The following GART variants were observed in gnomAD, a reference collection of about 807,000 sequenced individuals.
The protein encoded by GART is trifunctional purine biosynthetic protein adenosine-3.
GART carries 43 observed loss-of-function variants against 107.2 expected under a neutral mutation model. The observed-to-expected ratio is 0.40, with a 90% confidence interval of 0.31 to 0.52. The LOEUF is 0.52. GART is among the 20% of genes least tolerant of loss of function. GART has a pLI of 0.52. For missense variants in GART, 1,107 were observed against 1,206.5 expected, an observed-to-expected ratio of 0.92 and a Z score of 1.22; for synonymous variants, 434 against 427.0, an observed-to-expected ratio of 1.02 and a Z score of -0.20.
chr21:33,536,907 A>G (rs191390610), intron 2 of GART, among the ~76,000 whole-genome samples: 1 of 152,350 alleles, frequency 6.6e-6, no homozygotes, highest in African/African-American at 2.4e-5. Flanking sequence ...TTTGGACTAC[A>G]GCTGACTGTG....
chr21:33,508,740 C>A (rs1310254212), intron 18 of GART, among the ~76,000 whole-genome samples: 2 of 152,144 alleles, frequency 1.3e-5, no homozygotes, highest in Non-Finnish European at 2.9e-5. Flanking sequence ...TGGTCTCGAT[C>A]TCTTGACCTT....
chr21:33,533,933 GAACCAAA>G (rs1354068543), intron 4 of GART, among the ~76,000 whole-genome samples: 1 of 151,536 alleles, frequency 6.6e-6, no homozygotes, highest in Admixed American at 6.6e-5. Flanking sequence ...GGGGGGCGGG[GAACCAAA>G]AACCAAAAAC....
Position 33,519,809 on chromosome 21 carries a change from CAGAG to C in GART, c.1702+551_1702+554del, listed in dbSNP as rs1405982276. 8.2e-5 allele frequency among the ~76,000 whole-genome samples: 12 copies of C among 145,672 alleles called. No individual in the cohort carries two copies. The Admixed American group carries it at 8.4e-4, about 10-fold the overall frequency. On this transcript the variant is annotated intron_variant, in intron 14 of 21. Transcript: ENST00000381815. Reference sequence around the variant, plus strand: ...AACCACTGCACTCCAACCTGGGTGACAGAGAGAGATTCCCTTTTTTTTTTTTTTA... The same window carrying C: ...AACCACTGCACTCCAACCTGGGTGACAGAGATTCCCTTTTTTTTTTTTTTA...
At position 33,511,226 on chromosome 21, in the gene GART, T is replaced by C. The variant is rs368338182; in HGVS notation, c.2314+26A>G. 9.3e-6 allele frequency: 15 copies of C among 1,612,236 alleles called. No homozygotes were observed. The African/African-American group carries it at 2.0e-4, about 22-fold the overall frequency. ...AAAATTATACAGCTAAAATTATATA[T>C]CTAAAAATGAGTAAGGAGCAAGTAC... On this transcript the variant is annotated intron_variant, in intron 17 of 21. Transcript: ENST00000381815.
At chr21:33,535,459 G>T in intron 2 of GART, 139 bp from the exon 3 acceptor site, 1 of 520,276 alleles carries the variant, frequency 1.9e-6, no homozygotes, top group South Asian at 3.3e-5. Context: ...TATTGGCAGA[G>T]ATGACAGTTT....
intron 2 of GART, among the ~76,000 whole-genome samples, chr21:33,538,841 CATG>C (rs943259367): frequency 7.9e-5 from 12 of 152,160 alleles, no homozygotes; most frequent in African/African-American, 2.9e-4. Flanking sequence ...AGTGCAGTGG[CATG>C]ATGTCAGCTT....
At chr21:33,520,331 T>C (rs780338177) in intron 14 of GART, 33 bp downstream of exon 14, 1 of 1,593,070 alleles carries the variant, frequency 6.3e-7, no homozygotes, top group South Asian at 1.1e-5. Flanking sequence ...AAAAGAAGAA[T>C]GACATGTTAT....
intron 5 of GART, 31 bp from the exon 6 acceptor site, chr21:33,531,588 TTA>T: frequency 2.0e-6 from 3 of 1,521,830 alleles, no homozygotes; most frequent in Admixed American, 2.0e-5. Flanking sequence ...TTTTTTTTTT[TTA>T]AAAAAAGAGG....
chr21:33,506,840 G>C (rs543120244), intron 18 of GART, among the ~76,000 whole-genome samples: 1 of 152,252 alleles, frequency 6.6e-6, no homozygotes, highest in African/African-American at 2.4e-5. Context: ...TATCATCAGA[G>C]AAATGCAAAT....
chr21:33,512,289 GA>G (rs563178142), intron 16 of GART, among the ~76,000 whole-genome samples: 20,774 of 65,344 alleles, frequency 0.32, 1,072 homozygotes, highest in East Asian at 0.44. Context: ...GACTCAAATT[GA>G]AAAAAAAAAA....
At chr21:33,534,386 T>C (rs1317880456) in intron 4 of GART, among the ~76,000 whole-genome samples, 193 bp downstream of exon 4, 4 of 151,902 alleles carry the variant, frequency 2.6e-5, no homozygotes, top group South Asian at 4.2e-4. Flanking sequence ...CTTTTTTTTT[T>C]CTGTATTTTT....
intron 4 of GART, among the ~76,000 whole-genome samples, chr21:33,533,930 G>A (rs963325280): frequency 2.0e-5 from 3 of 151,688 alleles, no homozygotes; most frequent in South Asian, 4.2e-4. Flanking sequence ...GGTGGGGGGC[G>A]GGGAACCAAA....
intron 16 of GART, 35 bp from the exon 17 acceptor site, chr21:33,511,493 T>C (rs751617431): frequency 1.9e-6 from 3 of 1,591,186 alleles, no homozygotes; most frequent in Non-Finnish European, 1.7e-6. Flanking sequence ...TTGATTTTCC[T>C]ACCTTCTCAC....
At chr21:33,521,657 G>C (rs1295760542) in intron 12 of GART, among the ~76,000 whole-genome samples, 16 of 136,380 alleles carry the variant, frequency 1.2e-4, no homozygotes, top group Non-Finnish European at 2.0e-4. Context: ...AAAAAAGGAA[G>C]TAATTAAATA....
intron 18 of GART, chr21:33,509,441 T>C (rs6517177): frequency 0.86 from 163,949 of 190,344 alleles, 71,154 homozygotes; most frequent in East Asian, 0.98. Flanking sequence ...CCATAAAGGT[T>C]AAACATAAAC....
At chr21:33,533,695 A>C (rs943143948) in intron 4 of GART, among the ~76,000 whole-genome samples, 1 of 152,040 alleles carries the variant, frequency 6.6e-6, no homozygotes, top group African/African-American at 2.4e-5. Flanking sequence ...TCTTGAGCTT[A>C]AGAGTTTGAG....
chr21:33,530,992 G>GTTT, intron 6 of GART, 108 bp from the exon 7 acceptor site: 59 of 790,968 alleles, frequency 7.5e-5, no homozygotes, highest in South Asian at 1.6e-4. Flanking sequence ...GGAAAAGTTT[G>GTTT]TTTTTTTTTT....
chr21:33,520,707 C>T, intron 13 of GART, 145 bp from the exon 14 acceptor site: 2 of 736,232 alleles, frequency 2.7e-6, no homozygotes, highest in Non-Finnish European at 4.4e-6. Context: ...CCCCTTTTAT[C>T]CTCTAAAGTA....
chr21:33,531,267 G>GT (rs2085183053), intron 6 of GART: 1 of 518,582 alleles, frequency 1.9e-6, no homozygotes, highest in African/African-American at 1.9e-5. Context: ...TCAATAGTGT[G>GT]TAAGTCCAAG....
Sources: gnomAD v4.1 joint callset for allele counts (sites outside exome capture counted in the v4.1 genomes callset) on GRCh38, gnomAD v4.1.1 for gene constraint, MANE v1.5 for transcripts, NCBI Gene and HGNC (gene_info 2026-07-23, HGNC 2026-07-21) for gene names.